Variants in ANK3 observed in about 807,000 individuals in gnomAD.
ANK3 encodes the protein ankyrin 3.
Under a neutral mutation model 370.9 loss-of-function variants are expected in ANK3, and 57 were observed. The ratio of observed to expected loss-of-function variants is 0.15; its 90% CI spans 0.12 to 0.19. ANK3 has a LOEUF of 0.19. Among genes scored for constraint, ANK3 ranks in the 10% least tolerant of loss-of-function variants. The pLI, the probability that ANK3 is intolerant of heterozygous loss-of-function variation, is 1.00. For missense variants in ANK3, 4,439 were observed against 5,302.1 expected, an observed-to-expected ratio of 0.84 and a Z score of 5.06; for synonymous variants, 1,929 against 1,946.3, an observed-to-expected ratio of 0.99 and a Z score of 0.23.
chr10:60,382,595 T>A (rs929853106), intron 1 of ANK3, among the ~76,000 whole-genome samples: 1 of 152,084 alleles, frequency 6.6e-6, no homozygotes, highest in African/African-American at 2.4e-5. Context: ...CTGACGTATA[T>A]GTGAATGATT....
At chr10:60,557,241 C>T (rs1278015713) in intron 2 of ANK3, among the ~76,000 whole-genome samples, 1 of 151,882 alleles carries the variant, frequency 6.6e-6, no homozygotes, top group African/African-American at 2.4e-5. Context: ...TAGAAACAAC[C>T]CAAATGTCCA....
chr10:60,334,942 G>A (rs953814686), intron 1 of ANK3, among the ~76,000 whole-genome samples: 1 of 151,990 alleles, frequency 6.6e-6, no homozygotes, highest in African/African-American at 2.4e-5. Flanking sequence ...CTTTCATCAG[G>A]TTTTAAGAGG....
At chr10:60,491,969 C>T (rs962934174) in intron 2 of ANK3, among the ~76,000 whole-genome samples, 1 of 150,556 alleles carries the variant, frequency 6.6e-6, no homozygotes, top group Non-Finnish European at 1.5e-5. Context: ...ATAATGATGT[C>T]TCAGTAAATG....
intron 2 of ANK3, among the ~76,000 whole-genome samples, chr10:60,538,062 G>A (rs955813412): frequency 6.6e-6 from 1 of 151,784 alleles, no homozygotes; most frequent in African/African-American, 2.4e-5. Flanking sequence ...TCTAAGCAAG[G>A]CAACTGTGGT....
chr10:60,179,616 CG>C (rs1182968031), intron 18 of ANK3, among the ~76,000 whole-genome samples: 1 of 151,422 alleles, frequency 6.6e-6, no homozygotes, highest in African/African-American at 2.4e-5. Context: ...TGCTTGAATC[CG>C]GGAGGTGGAG....
intron 4 of ANK3, among the ~76,000 whole-genome samples, chr10:60,277,663 C>T (rs1592931727): frequency 6.6e-6 from 1 of 151,686 alleles, no homozygotes; most frequent in Admixed American, 6.5e-5. Flanking sequence ...TCACATGCTT[C>T]CTAGCCTAAT....
chr10:60,578,917 A>G (rs1233915746), intron 2 of ANK3, among the ~76,000 whole-genome samples: 1 of 152,244 alleles, frequency 6.6e-6, no homozygotes, highest in East Asian at 1.9e-4. Context: ...CCAACATGAT[A>G]TAATGATGAG....
rs758768646 is a variant in ANK3 at position 60,071,161 on chromosome 10, A to G, written c.9720T>C (p.Ser3240=). 2 of 1,614,178 alleles carry G rather than the reference A, an allele frequency of 1.2e-6. No homozygotes were observed. The highest frequency in any genetic ancestry group is 2.2e-5 in the South Asian group (2 of 91,080). ...REMPNDVSKD[S]NQRPKNNRVA... ...CTCTGTTATTTTTGGGTCTTTGGTT[A>G]GAGTCTTTGCTCACGTCATTAGGCA... The change falls in exon 37 of 44, where the codon TCT becomes TCC. Residue 3240 remains serine (S), a synonymous_variant. Coordinates refer to ENST00000280772, the MANE Select transcript of ANK3 (RefSeq NM_020987.5).
chr10:60,088,693 G>T (rs1207062260), intron 28 of ANK3, among the ~76,000 whole-genome samples: 1 of 152,198 alleles, frequency 6.6e-6, no homozygotes, highest in Non-Finnish European at 1.5e-5. Flanking sequence ...CCAAGGTGCT[G>T]GGATTACAGG....
chr10:60,286,145 A>G (rs752332974), intron 1 of ANK3, among the ~76,000 whole-genome samples: 4 of 152,198 alleles, frequency 2.6e-5, no homozygotes, highest in Non-Finnish European at 4.4e-5. Flanking sequence ...TCAAGAATGC[A>G]AGTTACAAGT....
Position 60,279,549 on chromosome 10 carries a change from T to C in ANK3, c.205A>G (p.Ile69Val). ...TAACTCCAGCTAACCTGATTGCAAATGTTGATGTCAACTCCATTTTTTATG... is the reference window on the plus strand; with the variant it reads ...TAACTCCAGCTAACCTGATTGCAAACGTTGATGTCAACTCCATTTTTTATG... Reference protein sequence around the residue: ...DYIKNGVDINICNQNGLNALH... With the variant: ...DYIKNGVDINVCNQNGLNALH... Residue 69 changes from isoleucine (I) to valine (V), a missense_variant, in exon 2 of 44, where the codon ATT becomes GTT. Physicochemically the swap from Ile to Val is conservative, Grantham distance 29. Around this residue, in one of 13 missense-constraint regions of ANK3, gnomAD observed 136 missense variants for 230.5 expected, o/e 0.59. Transcript: ENST00000280772. 2 of 1,609,284 alleles carry C rather than the reference T, an allele frequency of 1.2e-6. No homozygotes were observed. Among genetic ancestry groups the C allele is most frequent in the Non-Finnish European group, 1.7e-6 (2 of 1,178,754 alleles).
chr10:60,368,677 C>T (rs895421401), intron 1 of ANK3, among the ~76,000 whole-genome samples: 6 of 152,142 alleles, frequency 3.9e-5, no homozygotes, highest in African/African-American at 9.7e-5. Flanking sequence ...AACTGACCTG[C>T]TCCTCCTTTA....
chr10:60,086,483 ACCAG>A, intron 30 of ANK3, 190 bp downstream of exon 30: 1 of 492,490 alleles, frequency 2.0e-6, no homozygotes, highest in South Asian at 4.3e-5. Flanking sequence ...CAGGATCTTG[ACCAG>A]GATCTTCCCA....
At chr10:60,267,762 G>T (rs115217122) in intron 5 of ANK3, among the ~76,000 whole-genome samples, 1,551 of 152,282 alleles carry the variant, frequency 0.01, 42 homozygotes, top group African/African-American at 0.036. Flanking sequence ...GTACATCACA[G>T]TGTGAAAAAA....
At chr10:60,326,017 T>A (rs113585295) in intron 1 of ANK3, among the ~76,000 whole-genome samples, 123 of 152,196 alleles carry the variant, frequency 8.1e-4, no homozygotes, top group Non-Finnish European at 1.5e-3. Flanking sequence ...CTTAGCAAAC[T>A]AACACAGGAA....
intron 25 of ANK3, 136 bp downstream of exon 25, chr10:60,134,132 TAAC>T: frequency 1.5e-6 from 1 of 661,156 alleles, no homozygotes; most frequent in Non-Finnish European, 2.5e-6. Flanking sequence ...TATTTTTTTT[TAAC>T]TGGCTAGTAC....
At chr10:60,445,562 G>A (rs1339158522) in intron 2 of ANK3, among the ~76,000 whole-genome samples, 1 of 150,096 alleles carries the variant, frequency 6.7e-6, no homozygotes, top group Non-Finnish European at 1.5e-5. Flanking sequence ...AAAAAAAAAG[G>A]AGCGCTGAAA....
intron 7 of ANK3, among the ~76,000 whole-genome samples, chr10:60,247,444 G>C (rs943106881): frequency 6.6e-6 from 1 of 152,110 alleles, no homozygotes; most frequent in African/African-American, 2.4e-5. Flanking sequence ...TAAGTACACA[G>C]CATTCTGCAA....
At chr10:60,396,823 TTA>T (rs1424992114) in intron 2 of ANK3, among the ~76,000 whole-genome samples, 4 of 152,168 alleles carry the variant, frequency 2.6e-5, no homozygotes, top group Non-Finnish European at 5.9e-5. Flanking sequence ...TACAGAGACC[TTA>T]TCCTACCTAG....
Sources: allele counts gnomAD v4.1 joint callset (sites outside exome capture counted in the v4.1 genomes callset), GRCh38; gene constraint gnomAD v4.1.1; regional missense constraint gnomAD v4.1.1; transcripts MANE v1.5; gene names NCBI Gene and HGNC (gene_info 2026-07-23, HGNC 2026-07-21).